The following SREBF1 variants were observed in gnomAD, a reference collection of about 807,000 sequenced individuals.
The protein encoded by SREBF1 is sterol regulatory element binding transcription factor 1, also known as sterol regulatory element-binding protein 1.
A neutral mutation model predicts 100.1 loss-of-function variants in SREBF1; 45 were observed. That is an observed-to-expected ratio of 0.45 (90% CI 0.35 to 0.58). The LOEUF is 0.58. Ranked by LOEUF, SREBF1 falls within the 20% of genes least tolerant of loss-of-function variation. SREBF1 has a pLI of 0.00. For synonymous variants in SREBF1, 657 were observed against 681.8 expected, an observed-to-expected ratio of 0.96 and a Z score of 0.57; for missense variants, 1,324 against 1,539.4, an observed-to-expected ratio of 0.86 and a Z score of 2.34.
At chr17:17,816,093 C>T in intron 11 of SREBF1, 65 bp from the exon 12 acceptor site, 3 of 1,551,774 alleles carry the variant, frequency 1.9e-6, no homozygotes, top group Non-Finnish European at 2.6e-6. Flanking sequence ...GGGCCGAGTC[C>T]CAGCTTGGCC....
In SREBF1 at chr17:17,820,148, C is replaced by T. The variant is rs774698338; in HGVS notation, c.465G>A (p.Pro155=). The change falls in exon 2 of 19, where the codon CCG becomes CCA. Residue 155 remains proline, a synonymous_variant. Coordinates refer to ENST00000261646, the MANE Select transcript of SREBF1 (RefSeq NM_004176.5). ...CTAACACAGGGGTGGAGCTGAACTG[C>T]GGTGGGGCTGGGGCTGGGAAGCTCT... ...LPQSFPAPAP[P]QFSSTPVLGY... is the part of the protein sequence containing the mutation. 1.2e-5 allele frequency: 19 copies of T among 1,612,728 alleles called. No individual in the cohort carries two copies. The highest frequency in any genetic ancestry group is 6.7e-5 in the Admixed American group (4 of 59,942).
At chr17:17,816,126 G>A in intron 11 of SREBF1, 81 bp downstream of exon 11, 3 of 1,167,416 alleles carry the variant, frequency 2.6e-6, no homozygotes, top group Admixed American at 2.9e-5. Flanking sequence ...GGTAACCACT[G>A]CCACATCCCG....
chr17:17,813,610 G>A lies in SREBF1; in HGVS notation c.3061C>T (p.Leu1021=), dbSNP rs771131054. ...CGGAAGCTCTGTGCCAGCCGCCTCA[G>A]GCTGCTCAGGTCCCGTTGGAAGCCA... The part of the protein sequence containing the change: ...LRGFQRDLSS[L]RRLAQSFRPA... The change falls in exon 17 of 19, where the codon CTG becomes TTG. Residue 1021 remains leucine (L), a synonymous_variant. Transcript: ENST00000261646. The A allele has an allele frequency of 6.3e-7, 1 of 1,589,072 alleles. No individual in the cohort carries two copies. Among genetic ancestry groups the A allele is most frequent in the South Asian group, 1.1e-5 (1 of 88,720 alleles).
At chr17:17,823,661 C>CCGCCCCGCCCCG (rs2034277730) in intron 1 of SREBF1, 1 of 1,274,072 alleles carries the variant, frequency 7.8e-7, no homozygotes, top group Non-Finnish European at 1.1e-6. Context: ...CGCGCCCGCC[C>CCGCCCCGCCCCG]CGCCCCGCCC....
intron 1 of SREBF1, among the ~76,000 whole-genome samples, chr17:17,826,507 C>T (rs888060157): frequency 6.6e-6 from 1 of 152,122 alleles, no homozygotes; most frequent in South Asian, 2.1e-4. Context: ...CTTGTGGTTC[C>T]CACACACACT....
chr17:17,815,330 C>T lies in SREBF1; in HGVS notation c.2384-1G>A. 6.2e-7 allele frequency: 1 copy of T among 1,612,994 alleles called. No homozygotes were observed. Among genetic ancestry groups the T allele is most frequent in the East Asian group, 2.2e-5 (1 of 44,858 alleles). ...TGAGTCACCTGGGCCAGGGGGTCCA[C>T]TGTGGAGAGGAGGAGGTGAGTGGGG... On this transcript the variant is annotated splice_acceptor_variant, in intron 12 of 18. Transcript: ENST00000261646. LOFTEE classifies it high-confidence loss of function.
chr17:17,834,027 C>G (rs11657274), intron 1 of SREBF1, among the ~76,000 whole-genome samples: 80,474 of 147,684 alleles, frequency 0.54, 22,830 homozygotes, highest in Non-Finnish European at 0.63. Context: ...TATAAACACA[C>G]AGAGAGAGAG....
Position 17,815,335 on chromosome 17 carries a change from G to C in SREBF1, c.2384-6C>G. On this transcript the variant is annotated splice_region_variant and splice_polypyrimidine_tract_variant and intron_variant, in intron 12 of 18. Coordinates refer to ENST00000261646, the MANE Select transcript of SREBF1 (RefSeq NM_004176.5). ...CACCTGGGCCAGGGGGTCCACTGTG[G>C]AGAGGAGGAGGTGAGTGGGGTGGGG... 1 of 1,612,092 alleles carries C rather than the reference G, an allele frequency of 6.2e-7. No homozygotes were observed. The highest frequency in any genetic ancestry group is 8.5e-7 in the Non-Finnish European group (1 of 1,178,732).
Position 17,816,343 on chromosome 17 carries a change from G to C in SREBF1, c.2078C>G (p.Thr693Ser). ...GTTCAGGGCACTCAGCGCCAGGTTG[G>C]TGGCAGTGAGGTGCCCGCCTGTGTG... ...GKHTGGHLTA[T>S]NLALSALNLA... The change falls in exon 11 of 19, where the codon ACC (threonine) becomes AGC (serine). Residue 693 changes from threonine (T) to serine (S), a missense_variant. Coordinates refer to ENST00000261646, the MANE Select transcript of SREBF1 (RefSeq NM_004176.5). 1 of 1,585,252 alleles carries C rather than the reference G, an allele frequency of 6.3e-7. No homozygotes were observed. Among genetic ancestry groups the C allele is most frequent in the Non-Finnish European group, 8.6e-7 (1 of 1,168,162 alleles).
intron 1 of SREBF1, chr17:17,823,413 C>A: frequency 1.1e-6 from 1 of 920,990 alleles, no homozygotes; most frequent in African/African-American, 1.6e-5. Context: ...GGAAGGGGCT[C>A]TTTCCTGCTC....
chr17:17,836,583 A>G, intron 1 of SREBF1, 144 bp downstream of exon 1: 1 of 819,984 alleles, frequency 1.2e-6, no homozygotes, highest in Non-Finnish European at 1.9e-6. Context: ...GGCTCGGGAC[A>G]CCGAGCTCAG....
intron 1 of SREBF1, chr17:17,820,931 C>A: frequency 3.4e-6 from 1 of 290,440 alleles, no homozygotes; most frequent in South Asian, 3.5e-5. Flanking sequence ...AGCAGGCTCA[C>A]ATTCATTCAC....
At chr17:17,828,137 G>A (rs556024347) in intron 1 of SREBF1, among the ~76,000 whole-genome samples, 181 of 152,242 alleles carry the variant, frequency 1.2e-3, no homozygotes, top group Non-Finnish European at 2.1e-3. Flanking sequence ...CTCCACCCTC[G>A]TCTGCCTCCA....
At chr17:17,814,535 AGG>A in intron 15 of SREBF1, 78 bp downstream of exon 15, 2 of 1,535,564 alleles carry the variant, frequency 1.3e-6, no homozygotes, top group Non-Finnish European at 1.7e-6. Context: ...CACAGAACAA[AGG>A]CTGAGTGAGG....
At position 17,824,498 on chromosome 17, in the gene SREBF1, A is replaced by G. The variant is rs548376716; in HGVS notation, c.92-3977T>C. 5.9e-5 allele frequency among the ~76,000 whole-genome samples: 9 copies of G among 152,352 alleles called. No individual in the cohort carries two copies. In the East Asian group the frequency reaches 1.7e-3, roughly 29 times the overall value. ...CAGGAAGGGCTGCAGTCCCTAGGAC[A>G]GAAGATGGGTAAGGAAGGGGTGACA... On this transcript the variant is annotated intron_variant, in intron 1 of 18. Transcript: ENST00000261646. The surrounding 1 kb of genome is among the most constrained non-coding windows in gnomAD (Gnocchi z 4.2).
At chr17:17,827,278 T>G (rs1567987022) in intron 1 of SREBF1, among the ~76,000 whole-genome samples, 1 of 152,130 alleles carries the variant, frequency 6.6e-6, no homozygotes, top group Non-Finnish European at 1.5e-5. Flanking sequence ...GGAAAGGGAT[T>G]TGCCAATTGA....
At chr17:17,827,392 G>A (rs961046152) in intron 1 of SREBF1, among the ~76,000 whole-genome samples, 1 of 152,202 alleles carries the variant, frequency 6.6e-6, no homozygotes, top group African/African-American at 2.4e-5. Flanking sequence ...ACACCCTCTC[G>A]GCCTGCTAAT....
At chr17:17,816,829 C>T (rs190527750) in intron 9 of SREBF1, 111 bp from the exon 10 acceptor site, 65 of 1,581,452 alleles carry the variant, frequency 4.1e-5, no homozygotes, top group East Asian at 3.2e-4. Context: ...TCTGCGGATG[C>T]GTGGCTAGGC....
At chr17:17,826,299 T>C (rs1321581053) in intron 1 of SREBF1, among the ~76,000 whole-genome samples, 1 of 150,298 alleles carries the variant, frequency 6.7e-6, no homozygotes, top group East Asian at 1.9e-4. Flanking sequence ...TTTTTTTTTT[T>C]AAGGGGAGTT....
Sources: gnomAD v4.1 joint callset for allele counts (sites outside exome capture counted in the v4.1 genomes callset) on GRCh38, gnomAD v4.1.1 for gene constraint, Gnocchi (gnomAD v3.1) non-coding constraint, MANE v1.5 for transcripts, NCBI Gene and HGNC (gene_info 2026-07-23, HGNC 2026-07-21) for gene names.